PEX14: variants seen among roughly 807,000 people sequenced by gnomAD.
The protein encoded by PEX14 is peroxisomal membrane protein PEX14.
In PEX14, 15 loss-of-function variants were observed where a neutral mutation model predicts 49.5. The observed-to-expected ratio is 0.30, with a 90% CI of 0.20 to 0.47. PEX14 has a LOEUF of 0.47. PEX14 is among the 20% of genes least tolerant of loss of function. The pLI, the probability that PEX14 is intolerant of heterozygous loss-of-function variation, is 1.00. For missense variants in PEX14, 398 were observed against 494.8 expected (o/e 0.80, Z 1.86); for synonymous variants, 210 against 212.7 (o/e 0.99, Z 0.11).
At chr1:10,488,190 T>C (rs942870953) in intron 1 of PEX14, among the ~76,000 whole-genome samples, 2 of 152,212 alleles carry the variant, frequency 1.3e-5, no homozygotes, top group Non-Finnish European at 2.9e-5. Context: ...GTATGTTGTG[T>C]CTCAAGGAAT....
intron 3 of PEX14, among the ~76,000 whole-genome samples, chr1:10,567,139 C>T (rs1639829800): frequency 1.3e-5 from 2 of 152,092 alleles, no homozygotes; most frequent in Non-Finnish European, 2.9e-5. Context: ...TTTCATGTAT[C>T]ATTAAATTCT....
chr1:10,577,005 G>A (rs1033950340), intron 3 of PEX14, among the ~76,000 whole-genome samples: 2 of 151,360 alleles, frequency 1.3e-5, no homozygotes, highest in African/African-American at 4.8e-5. Context: ...GCCTCCTAAA[G>A]CTCTAGGATT....
intron 2 of PEX14, among the ~76,000 whole-genome samples, chr1:10,509,787 G>A (rs1641851940): frequency 6.6e-6 from 1 of 152,076 alleles, no homozygotes; most frequent in Non-Finnish European, 1.5e-5. Flanking sequence ...TCCTAAGTGT[G>A]GCTTTGGGAG....
intron 3 of PEX14, chr1:10,536,589 G>A (rs544232292): frequency 2.9e-5 from 12 of 414,700 alleles, no homozygotes; most frequent in Non-Finnish European, 4.6e-5. Flanking sequence ...GACTGTGGAG[G>A]ACTTCTGGTT....
chr1:10,600,671 TCACGCCGCTG>T (rs1259226402), intron 4 of PEX14, among the ~76,000 whole-genome samples: 1 of 151,254 alleles, frequency 6.6e-6, no homozygotes, highest in Non-Finnish European at 1.5e-5. Flanking sequence ...TGAGCCGAGA[TCACGCCGCTG>T]CACTCCAGCC....
intron 3 of PEX14, among the ~76,000 whole-genome samples, chr1:10,574,915 GC>G (rs1401973224): frequency 6.6e-6 from 1 of 152,038 alleles, no homozygotes; most frequent in Non-Finnish European, 1.5e-5. Flanking sequence ...TTCGAGACCA[GC>G]CTGGGCAACA....
chr1:10,601,489 T>G (rs935413355), intron 4 of PEX14, among the ~76,000 whole-genome samples: 1 of 152,102 alleles, frequency 6.6e-6, no homozygotes, highest in Non-Finnish European at 1.5e-5. Context: ...GCCAGTGGGT[T>G]GGAATCTGCT....
chr1:10,548,739 A>C lies in PEX14; in HGVS notation c.169+12442A>C, dbSNP rs1570248646. ...GGTCTTCTTTCCGTTTTTGAAGTAA[A>C]GGTAACTCACTAATGGTCCTCAGTA... On this transcript the variant is annotated intron_variant, in intron 3 of 8. Coordinates refer to ENST00000356607, the MANE Select transcript of PEX14 (RefSeq NM_004565.3). Among the ~76,000 whole-genome samples the C allele has an allele frequency of 5.9e-5, 9 of 152,266 alleles. No individual in the cohort carries two copies. In the South Asian group the frequency reaches 1.7e-3, roughly 28 times the overall value.
At chr1:10,600,514 C>T (rs866583362) in intron 4 of PEX14, among the ~76,000 whole-genome samples, 3 of 151,168 alleles carry the variant, frequency 2.0e-5, no homozygotes, top group African/African-American at 4.9e-5. Flanking sequence ...GTCAGGAGTT[C>T]GAGACCAGCC....
At chr1:10,498,783 C>T (rs1181701807) in intron 2 of PEX14, among the ~76,000 whole-genome samples, 1 of 152,206 alleles carries the variant, frequency 6.6e-6, no homozygotes. Flanking sequence ...CAAAACTCCG[C>T]CAAAGTTAAA....
chr1:10,504,371 A>T (rs1003865573), intron 2 of PEX14, among the ~76,000 whole-genome samples: 3 of 152,020 alleles, frequency 2.0e-5, no homozygotes, highest in Non-Finnish European at 4.4e-5. Context: ...GCACTCCTTG[A>T]CAGTCAGAGG....
chr1:10,594,858 G>A (rs964029958), intron 3 of PEX14, among the ~76,000 whole-genome samples: 8 of 152,168 alleles, frequency 5.3e-5, no homozygotes, highest in African/African-American at 1.9e-4. Flanking sequence ...GAGTCAATCA[G>A]TTTGGTTTTA....
chr1:10,628,017 C>G lies in PEX14; in HGVS notation c.677+654C>G, dbSNP rs1002612156. Among the ~76,000 whole-genome samples the G allele has an allele frequency of 6.6e-6, 1 of 152,090 alleles. No homozygotes were observed. The highest frequency in any genetic ancestry group is 1.5e-5 in the Non-Finnish European group (1 of 68,024). On this transcript the variant is annotated intron_variant, in intron 8 of 8. Coordinates refer to ENST00000356607, the MANE Select transcript of PEX14 (RefSeq NM_004565.3). This position sits in a 1 kb window ranked among gnomAD's most constrained non-coding sequence, Gnocchi z 4.5. ...GTGGCACGATCTCGGCTCACTGCAA[C>G]CTCTGCCTCCCGGGTTCACGCCATT...
rs2124624486 is a variant in PEX14, at chr1:10,613,003, G to A, written c.299-5329G>A. 6.6e-6 allele frequency among the ~76,000 whole-genome samples: 1 copy of A among 152,348 alleles called. No individual in the cohort carries two copies. The highest frequency in any genetic ancestry group is 2.4e-5 in the African/African-American group (1 of 41,586). ...AGGACGTGAGAGTTCTCTCCCTCTT[G>A]TCAGCCAGCACATCACTGGAGTGCC... On this transcript the variant is annotated intron_variant, in intron 4 of 8. Coordinates refer to ENST00000356607, the MANE Select transcript of PEX14 (RefSeq NM_004565.3). This position sits in a 1 kb window ranked among gnomAD's most constrained non-coding sequence, Gnocchi z 5.0.
intron 3 of PEX14, among the ~76,000 whole-genome samples, chr1:10,571,862 G>A (rs1639987470): frequency 1.3e-5 from 2 of 152,038 alleles, no homozygotes; most frequent in African/African-American, 4.8e-5. Context: ...TTTATGTGAT[G>A]TTTATTTTGC....
intron 5 of PEX14, among the ~76,000 whole-genome samples, chr1:10,620,609 G>A (rs1343215063): frequency 1.3e-5 from 2 of 152,152 alleles, no homozygotes; most frequent in Non-Finnish European, 2.9e-5. Context: ...CCAACAAGGT[G>A]AAACCCTGTC....
chr1:10,557,879 G>T (rs1295398767), intron 3 of PEX14, among the ~76,000 whole-genome samples: 2 of 147,630 alleles, frequency 1.4e-5, no homozygotes, highest in Admixed American at 6.8e-5. Context: ...TATGGAATTT[G>T]TGTTGTTGCT....
chr1:10,511,442 C>G (rs1284590616), intron 2 of PEX14, among the ~76,000 whole-genome samples: 1 of 152,092 alleles, frequency 6.6e-6, no homozygotes, highest in Non-Finnish European at 1.5e-5. Context: ...TTAATGCTAT[C>G]TGATTGAGCG....
At chr1:10,498,522 T>C (rs1386726441) in intron 2 of PEX14, among the ~76,000 whole-genome samples, 1 of 152,220 alleles carries the variant, frequency 6.6e-6, no homozygotes, top group Non-Finnish European at 1.5e-5. Context: ...TCTTGTAGTC[T>C]CTAAACGACA....
Sources: allele counts gnomAD v4.1 joint callset (sites outside exome capture counted in the v4.1 genomes callset), GRCh38; gene constraint gnomAD v4.1.1; non-coding constraint Gnocchi (gnomAD v3.1); transcripts MANE v1.5; gene names NCBI Gene and HGNC (gene_info 2026-07-23, HGNC 2026-07-21).